The following NSD1 variants were observed in gnomAD, a reference collection of about 807,000 sequenced individuals.
NSD1 encodes the protein histone-lysine N-methyltransferase, H3 lysine-36 specific.
In NSD1, 26 loss-of-function variants were observed where a neutral mutation model predicts 242.7. That is an observed-to-expected ratio of 0.11 (90% CI 0.08 to 0.15). The LOEUF (loss-of-function observed/expected upper bound fraction) is 0.15. Among genes scored for constraint, NSD1 ranks in the 10% least tolerant of loss-of-function variants. NSD1 has a pLI of 1.00. For synonymous variants in NSD1, 1,106 were observed against 1,178.1 expected (o/e 0.94, Z 1.25); for missense variants, 2,495 against 3,272.8 (o/e 0.76, Z 5.80).
At chr5:177,141,941 C>G (rs541323944) in intron 2 of NSD1, among the ~76,000 whole-genome samples, 3 of 152,288 alleles carry the variant, frequency 2.0e-5, no homozygotes, top group Admixed American at 1.3e-4. Context: ...TCAAGTGATT[C>G]TCCTGCCTCA....
chr5:177,277,020 A>C (rs1758446975), intron 17 of NSD1, among the ~76,000 whole-genome samples: 1 of 152,200 alleles, frequency 6.6e-6, no homozygotes, highest in Non-Finnish European at 1.5e-5. Flanking sequence ...GTCAGATAAC[A>C]GCAAGGTAGG....
chr5:177,156,689 CA>C (rs1394688713), intron 2 of NSD1, among the ~76,000 whole-genome samples: 1 of 152,126 alleles, frequency 6.6e-6, no homozygotes, highest in East Asian at 1.9e-4. Context: ...TACTATTTTA[CA>C]TAAGAATTTT....
intron 2 of NSD1, among the ~76,000 whole-genome samples, chr5:177,144,570 G>A (rs1757081955): frequency 6.6e-6 from 1 of 152,100 alleles, no homozygotes; most frequent in Admixed American, 6.6e-5. Flanking sequence ...AGTGGTGTAA[G>A]TTTATTACAT....
At chr5:177,224,325 C>G (rs927788518) in intron 5 of NSD1, among the ~76,000 whole-genome samples, 4 of 151,958 alleles carry the variant, frequency 2.6e-5, no homozygotes, top group African/African-American at 9.7e-5. Flanking sequence ...CAATTAGATT[C>G]GTCTTTCACT....
chr5:177,199,518 A>C (rs1218512762), intron 3 of NSD1, among the ~76,000 whole-genome samples: 1 of 152,122 alleles, frequency 6.6e-6, no homozygotes, highest in Non-Finnish European at 1.5e-5. Flanking sequence ...TGGCCTCAAA[A>C]AGTGTTTGGA....
intron 5 of NSD1, among the ~76,000 whole-genome samples, chr5:177,219,759 C>G (rs535032607): frequency 5.3e-4 from 81 of 152,222 alleles, no homozygotes; most frequent in Admixed American, 1.6e-3. Context: ...GTCAGGAGTT[C>G]AAGACCAGCA....
chr5:177,180,055 C>T (rs1272548011), intron 2 of NSD1, among the ~76,000 whole-genome samples: 2 of 151,888 alleles, frequency 1.3e-5, no homozygotes, highest in Admixed American at 6.6e-5. Context: ...CACCTGCCAA[C>T]ACGCCTGGCT....
chr5:177,219,194 T>G (rs1018109900), intron 5 of NSD1, among the ~76,000 whole-genome samples: 4 of 146,576 alleles, frequency 2.7e-5, no homozygotes, highest in African/African-American at 1.0e-4. Context: ...AAGTTTTGTG[T>G]TTTTTTTTTT....
chr5:177,217,803 G>A (rs1581348584), intron 5 of NSD1, among the ~76,000 whole-genome samples: 1 of 151,480 alleles, frequency 6.6e-6, no homozygotes, highest in African/African-American at 2.4e-5. Flanking sequence ...GAGTAGATGG[G>A]ATTACAGGCG....
intron 2 of NSD1, among the ~76,000 whole-genome samples, chr5:177,182,504 G>A (rs1760774852): frequency 6.6e-6 from 1 of 152,078 alleles, no homozygotes; most frequent in African/African-American, 2.4e-5. Flanking sequence ...GTAGCTTGCT[G>A]TAACCTGAAA....
chr5:177,138,442 G>C (rs1054689981), intron 2 of NSD1, among the ~76,000 whole-genome samples: 2 of 151,908 alleles, frequency 1.3e-5, no homozygotes, highest in African/African-American at 4.8e-5. Context: ...TTTTATTAGA[G>C]ACGAGGTTTC....
Position 177,134,959 on chromosome 5 carries a change from C to A in NSD1, c.-17-128C>A. 1 of 797,468 alleles carries A rather than the reference C, an allele frequency of 1.3e-6. No individual in the cohort carries two copies. The highest frequency in any genetic ancestry group is 1.6e-5 in the South Asian group (1 of 60,646). 49.4% of individuals were successfully genotyped at this position (797,468 alleles called of 1,614,324 possible). On this transcript the variant is annotated intron_variant, in intron 1 of 22. Coordinates refer to ENST00000439151, the MANE Select transcript of NSD1 (RefSeq NM_022455.5). The surrounding 1 kb of genome is among the most constrained non-coding windows in gnomAD (Gnocchi z 4.2). ...ATTTTTTCATCTCCAGTCGGGGGAA[C>A]TTTTTCTGCCCATGGAAGTGCAGCA...
chr5:177,134,344 G>T lies in NSD1; in HGVS notation c.-18+392G>T. On this transcript the variant is annotated intron_variant, in intron 1 of 22. Transcript: ENST00000439151. The surrounding 1 kb of genome is among the most constrained non-coding windows in gnomAD (Gnocchi z 4.2). ...GCGATCGGCTCGGCTGGGAGGTGCTGCCGCGGCTGCGGGAAGGAGCGCGGC... is the reference window on the plus strand; with the variant it reads ...GCGATCGGCTCGGCTGGGAGGTGCTTCCGCGGCTGCGGGAAGGAGCGCGGC... The T allele has an allele frequency of 6.5e-6, 1 of 152,682 alleles. No homozygotes were observed. The highest frequency in any genetic ancestry group is 1.9e-4 in the South Asian group (1 of 5,300). The allele number at this position is 152,682 out of a possible 1,614,324, so 9.5% of individuals were successfully genotyped here.
At chr5:177,264,630 A>C (rs1757270022) in intron 14 of NSD1, 1 of 405,166 alleles carries the variant, frequency 2.5e-6, no homozygotes, top group African/African-American at 2.1e-5. Flanking sequence ...TTGAAGTAGG[A>C]GTCTGATCTG....
intron 2 of NSD1, 117 bp downstream of exon 2, chr5:177,136,147 T>C: frequency 2.3e-6 from 2 of 871,278 alleles, no homozygotes; most frequent in Non-Finnish European, 3.6e-6. Flanking sequence ...GCTGAAATCC[T>C]ATTGCTAATC....
intron 20 of NSD1, among the ~76,000 whole-genome samples, chr5:177,287,481 C>A (rs1412376146): frequency 6.6e-6 from 1 of 152,066 alleles, no homozygotes. Flanking sequence ...ACTAAAAATA[C>A]AAAAACTAGC....
intron 5 of NSD1, among the ~76,000 whole-genome samples, chr5:177,218,669 G>A (rs1413380325): frequency 1.3e-5 from 2 of 151,520 alleles, no homozygotes; most frequent in African/African-American, 4.8e-5. Flanking sequence ...CCGGATTGAC[G>A]CCATTCTCCT....
chr5:177,260,909 G>C lies in NSD1; in HGVS notation c.5146+741G>C, dbSNP rs778668715. On this transcript the variant is annotated intron_variant, in intron 14 of 22. Coordinates refer to ENST00000439151, the MANE Select transcript of NSD1 (RefSeq NM_022455.5). ...TTGAAAATAGCATTACCATGTAATT[G>C]TGTTTTGTTAACAAGCAATTTTATA... Among the ~76,000 whole-genome samples, 24 of 152,160 alleles carry C rather than the reference G, an allele frequency of 1.6e-4. 1 individual carries two copies. Among genetic ancestry groups the C allele is most frequent in the Non-Finnish European group, 3.4e-4 (23 of 68,004 alleles).
intron 3 of NSD1, among the ~76,000 whole-genome samples, chr5:177,198,313 A>C (rs1191594683): frequency 6.6e-6 from 1 of 152,186 alleles, no homozygotes; most frequent in Non-Finnish European, 1.5e-5. Context: ...GGTGTGAGCC[A>C]CTGTGCCTGG....
Sources: allele counts gnomAD v4.1 joint callset (sites outside exome capture counted in the v4.1 genomes callset), GRCh38; gene constraint gnomAD v4.1.1; non-coding constraint Gnocchi (gnomAD v3.1); transcripts MANE v1.5; gene names NCBI Gene and HGNC (gene_info 2026-07-23, HGNC 2026-07-21).